Variants in POLR1B observed in about 807,000 individuals in gnomAD.
POLR1B encodes DNA-directed RNA polymerase I subunit RPA2.
In POLR1B, 30 loss-of-function variants were observed where a neutral mutation model predicts 105.8. The ratio of observed to expected loss-of-function variants is 0.28; its 90% CI spans 0.21 to 0.38. The LOEUF (loss-of-function observed/expected upper bound fraction) is 0.38. Ranked by LOEUF, POLR1B falls within the 10% of genes least tolerant of loss-of-function variation. The pLI, the probability that POLR1B is intolerant of heterozygous loss-of-function variation, is 1.00. For synonymous variants in POLR1B, 485 were observed against 505.1 expected (o/e 0.96, Z 0.53); for missense variants, 976 against 1,435.8 (o/e 0.68, Z 5.17).
chr2:112,542,697 T>C, intron 1 of POLR1B, 26 bp downstream of exon 1: 1 of 1,609,110 alleles, frequency 6.2e-7, no homozygotes, highest in Non-Finnish European at 8.5e-7. Flanking sequence ...GCCGGCGCCC[T>C]TGCCGCGGCG....
In POLR1B at chr2:112,578,259, C is replaced by T. The variant is rs1684952556; in HGVS notation, c.*2530C>T. Among the ~76,000 whole-genome samples, 1 of 152,060 alleles carries T rather than the reference C, an allele frequency of 6.6e-6. No homozygotes were observed. The highest frequency in any genetic ancestry group is 1.9e-4 in the East Asian group (1 of 5,186). On this transcript the variant is annotated 3_prime_UTR_variant, in exon 15 of 15. Coordinates refer to ENST00000263331, the MANE Select transcript of POLR1B (RefSeq NM_019014.6). ...CACCTGTGTAGATGGATGAAAACAG[C>T]AACATAAGCAAGATACAGAGCTGTT...
intron 9 of POLR1B, among the ~76,000 whole-genome samples, chr2:112,560,317 G>A (rs1683908384): frequency 6.6e-6 from 1 of 152,084 alleles, no homozygotes; most frequent in South Asian, 2.1e-4. Flanking sequence ...TGGAAGTATA[G>A]AAGCTATTGA....
At chr2:112,574,233 G>A (rs1344958290) in intron 14 of POLR1B, among the ~76,000 whole-genome samples, 1 of 151,936 alleles carries the variant, frequency 6.6e-6, no homozygotes, top group East Asian at 1.9e-4. Flanking sequence ...CCAAAATGTT[G>A]AGCTCATACC....
At chr2:112,567,758 T>C (rs1382924934) in intron 10 of POLR1B, among the ~76,000 whole-genome samples, 1 of 152,168 alleles carries the variant, frequency 6.6e-6, no homozygotes, top group African/African-American at 2.4e-5. Flanking sequence ...CAGAATTTCC[T>C]TTAGTGTATC....
In POLR1B at chr2:112,575,041, G is replaced by A. The variant is rs748513239; in HGVS notation, c.2720G>A (p.Ser907Asn). 3 of 1,614,214 alleles carry A rather than the reference G, an allele frequency of 1.9e-6. No individual in the cohort carries two copies. Among genetic ancestry groups the A allele is most frequent in the Non-Finnish European group, 1.7e-6 (2 of 1,180,046 alleles). The change falls in exon 15 of 15, where the codon AGT becomes AAT. Residue 907 changes from serine (S) to asparagine (N), a missense_variant. Ser to Asn is a conservative substitution (Grantham distance 46, BLOSUM62 1). This residue lies in a region of POLR1B where 35 missense variants were observed against 102.5 expected (regional missense o/e 0.34). Transcript: ENST00000263331. The surrounding 1 kb of genome is among the most constrained non-coding windows in gnomAD (Gnocchi z 5.3). ...WPAEDMPFTE[S>N]GMVPDILFNP... ...GCTGAGGACATGCCTTTTACTGAGA[G>A]TGGGATGGTCCCAGACATTCTGTTC...
intron 13 of POLR1B, 135 bp from the exon 14 acceptor site, chr2:112,573,427 T>C: frequency 8.5e-7 from 1 of 1,170,082 alleles, no homozygotes; most frequent in Non-Finnish European, 1.2e-6. Flanking sequence ...GTAGTTAGTA[T>C]CAGTGATTTG....
At chr2:112,549,445 AC>A in intron 4 of POLR1B, 46 bp downstream of exon 4, 18 of 1,456,628 alleles carry the variant, frequency 1.2e-5, no homozygotes, top group South Asian at 2.8e-5. Flanking sequence ...AAAATTTAAA[AC>A]TTTTTTTTTT....
chr2:112,569,928 T>C (rs1684506830), intron 12 of POLR1B, among the ~76,000 whole-genome samples: 4 of 152,088 alleles, frequency 2.6e-5, no homozygotes, highest in Admixed American at 2.6e-4. Context: ...AAAACATTGC[T>C]CCTATCCTTT....
rs143241765 is a variant in POLR1B, at chr2:112,575,357, A to G, written c.3036A>G (p.Val1012=). Residue 1012 remains valine, a synonymous_variant, in exon 15 of 15, where the codon GTA becomes GTG. Transcript: ENST00000263331. The surrounding 1 kb of genome is among the most constrained non-coding windows in gnomAD (Gnocchi z 5.3). ...LRHMVSDKFQ[V]RTTGARDRVT... ...ATATGGTCTCAGACAAATTTCAAGT[A>G]AGGACAACTGGAGCCCGAGACAGAG... 6.6e-5 allele frequency: 107 copies of G among 1,614,078 alleles called. No homozygotes were observed. The highest frequency in any genetic ancestry group is 8.0e-5 in the Non-Finnish European group (94 of 1,180,036).
At chr2:112,563,524 G>C (rs1182447688) in intron 9 of POLR1B, among the ~76,000 whole-genome samples, 1 of 152,104 alleles carries the variant, frequency 6.6e-6, no homozygotes. Flanking sequence ...TATCAACTAA[G>C]TTTATGAAAT....
intron 1 of POLR1B, among the ~76,000 whole-genome samples, chr2:112,543,150 G>A (rs1682851499): frequency 6.6e-6 from 1 of 152,188 alleles, no homozygotes. Flanking sequence ...GCCGAGGAAG[G>A]TATAAATGAG....
upstream of POLR1B, chr2:112,542,448 C>A: frequency 1.5e-6 from 2 of 1,329,418 alleles, no homozygotes; most frequent in Non-Finnish European, 2.0e-6. Context: ...GAGAGACTGG[C>A]GTCCGGCGTG....
At chr2:112,542,704 G>A (rs760237235) in intron 1 of POLR1B, 33 bp downstream of exon 1, 15 of 1,607,964 alleles carry the variant, frequency 9.3e-6, no homozygotes, top group Non-Finnish European at 1.2e-5. Context: ...CCCTTGCCGC[G>A]GCGAGGCCAA....
chr2:112,558,239 C>A (rs1025392596), intron 8 of POLR1B, among the ~76,000 whole-genome samples, 158 bp downstream of exon 8: 2 of 152,168 alleles, frequency 1.3e-5, no homozygotes, highest in Admixed American at 6.5e-5. Flanking sequence ...GGGCTTTAGA[C>A]AAGGTGTCTG....
intron 9 of POLR1B, among the ~76,000 whole-genome samples, chr2:112,561,970 C>G (rs78277514): frequency 6.6e-6 from 1 of 152,164 alleles, no homozygotes; most frequent in Non-Finnish European, 1.5e-5. Flanking sequence ...CCATGCGAAG[C>G]CTGGAAGCTG....
At chr2:112,564,279 A>G in intron 9 of POLR1B, 87 bp from the exon 10 acceptor site, 1 of 1,484,118 alleles carries the variant, frequency 6.7e-7, no homozygotes, top group East Asian at 2.3e-5. Flanking sequence ...CTGAACTGAT[A>G]CAGCAGCTGT....
intron 7 of POLR1B, among the ~76,000 whole-genome samples, chr2:112,556,710 T>G (rs1033713185): frequency 6.6e-6 from 1 of 152,216 alleles, no homozygotes; most frequent in East Asian, 1.9e-4. Flanking sequence ...TTCTTCCAAA[T>G]ATCAAATATA....
chr2:112,566,735 C>CTT lies in POLR1B; in HGVS notation c.1747-1218_1747-1217dup, dbSNP rs35459414. Among the ~76,000 whole-genome samples the CTT allele has an allele frequency of 1.8e-4, 26 of 142,408 alleles. 1 individual carries two copies. Among genetic ancestry groups the CTT allele is most frequent in the South Asian group, 6.7e-4 (3 of 4,476 alleles). The allele number at this position is 142,408 out of a possible 152,430, so 93.4% of individuals were successfully genotyped here. On this transcript the variant is annotated intron_variant, in intron 10 of 14. Coordinates refer to ENST00000263331, the MANE Select transcript of POLR1B (RefSeq NM_019014.6). ...CTGTAACCATTAAACAATCATTCCTCTTTTTTTTTTTTTTTGAGGCAGAGT... is the reference window on the plus strand; with the variant it reads ...CTGTAACCATTAAACAATCATTCCTCTTTTTTTTTTTTTTTTTGAGGCAGAGT...
chr2:112,543,273 G>A (rs1427968858), intron 1 of POLR1B, among the ~76,000 whole-genome samples: 1 of 152,222 alleles, frequency 6.6e-6, no homozygotes, highest in East Asian at 1.9e-4. Context: ...AGCATCCCCA[G>A]TGTCTCCAGG....
Sources: gnomAD v4.1 joint callset for allele counts (sites outside exome capture counted in the v4.1 genomes callset) on GRCh38, gnomAD v4.1.1 for gene constraint, gnomAD v4.1.1 regional missense constraint, Gnocchi (gnomAD v3.1) non-coding constraint, MANE v1.5 for transcripts, NCBI Gene and HGNC (gene_info 2026-07-23, HGNC 2026-07-21) for gene names.